ARID2: variants seen among roughly 807,000 people sequenced by gnomAD.
The protein encoded by ARID2 is AT-rich interactive domain-containing protein 2.
Under a neutral mutation model 184.6 loss-of-function variants are expected in ARID2, and 32 were observed. The observed-to-expected ratio is 0.17, with a 90% CI of 0.13 to 0.23. The LOEUF is 0.23. Among genes scored for constraint, ARID2 ranks in the 10% least tolerant of loss-of-function variants. ARID2 has a pLI of 1.00. For missense variants in ARID2, 1,696 were observed against 2,197.6 expected, an observed-to-expected ratio of 0.77 and a Z score of 4.56; for synonymous variants, 836 against 772.6, an observed-to-expected ratio of 1.08 and a Z score of -1.36.
Position 45,852,309 on chromosome 12 carries a change from C to G in ARID2, c.4186C>G (p.Gln1396Glu), listed in dbSNP as rs2138177726. 6.2e-7 allele frequency: 1 copy of G among 1,614,118 alleles called. No individual in the cohort carries two copies. The highest frequency in any genetic ancestry group is 8.5e-7 in the Non-Finnish European group (1 of 1,180,014). ...TGGTGAGATATCTCCAATGGAACCA[C>G]AAGGGACTTTAGATATCACTCAGCA... The part of the protein sequence containing the change: ...GNGEISPMEP[Q>E]GTLDITQQDT... Residue 1396 changes from glutamine to glutamate, a missense_variant, in exon 15 of 21, where the codon CAA (glutamine) becomes GAA (glutamate). Physicochemically the swap from Gln to Glu is conservative, Grantham distance 29. Transcript: ENST00000334344.
Position 45,872,310 on chromosome 12 carries a change from T to G in ARID2, c.4922+11361T>G, listed in dbSNP as rs1339322131. 1.3e-5 allele frequency among the ~76,000 whole-genome samples: 2 copies of G among 152,218 alleles called. 1 individual carries two copies. Among genetic ancestry groups the G allele is most frequent in the Non-Finnish European group, 2.9e-5 (2 of 68,038 alleles). ...TTTTACTATATCCAGAAATTATGAT[T>G]ATGTTGTATTTTCATTTTCCTCTAG... On this transcript the variant is annotated intron_variant, in intron 16 of 20. Transcript: ENST00000334344.
At chr12:45,862,220 A>G (rs934482196) in intron 16 of ARID2, among the ~76,000 whole-genome samples, 4 of 152,158 alleles carry the variant, frequency 2.6e-5, no homozygotes, top group Admixed American at 2.6e-4. Context: ...ATAGTTCACC[A>G]TGTTAGCAAG....
At chr12:45,900,633 A>T (rs1944445249) in intron 20 of ARID2, among the ~76,000 whole-genome samples, 1 of 152,070 alleles carries the variant, frequency 6.6e-6, no homozygotes, top group Admixed American at 6.6e-5. Context: ...TCCATGTTGA[A>T]TCCCTTTTCG....
chr12:45,899,007 C>T (rs1944406445), intron 20 of ARID2, among the ~76,000 whole-genome samples: 1 of 152,056 alleles, frequency 6.6e-6, no homozygotes, highest in Non-Finnish European at 1.5e-5. Flanking sequence ...GGCGTGGTGG[C>T]TCATGCCTGT....
chr12:45,850,726 A>C lies in ARID2; in HGVS notation c.2603A>C (p.Gln868Pro), dbSNP rs1439756141. The change falls in exon 15 of 21, where the codon CAG becomes CCG. Residue 868 changes from glutamine to proline, a missense_variant. Gln to Pro is a moderately conservative substitution (Grantham distance 76). This residue lies in a region of ARID2 where 713 missense variants were observed against 824.4 expected (regional missense o/e 0.86). Transcript: ENST00000334344. ...ASNIVSATSV[Q>P]NFQVATGQMV... is the part of the protein sequence containing the mutation. ...AATATTGTCTCAGCAACTTCAGTAC[A>C]GAATTTTCAGGTAGCTACAGGACAA... 1 of 1,614,150 alleles carries C rather than the reference A, an allele frequency of 6.2e-7. No individual in the cohort carries two copies. The highest frequency in any genetic ancestry group is 1.7e-5 in the Admixed American group (1 of 60,018).
chr12:45,860,788 T>C lies in ARID2; in HGVS notation c.4774-13T>C. The C allele has an allele frequency of 6.6e-7, 1 of 1,512,690 alleles. No individual in the cohort carries two copies. Among genetic ancestry groups the C allele is most frequent in the Non-Finnish European group, 8.9e-7 (1 of 1,129,666 alleles). The allele number at this position is 1,512,690 out of a possible 1,614,324, so 93.7% of individuals were successfully genotyped here. ...TGTCATGTCACAAACTCTGCATTTG[T>C]TCTTTTTCACAGAACACTCCTATGC... On this transcript the variant is annotated splice_polypyrimidine_tract_variant and intron_variant, in intron 15 of 20. Transcript: ENST00000334344.
chr12:45,826,124 T>G (rs1013706426), intron 6 of ARID2, among the ~76,000 whole-genome samples: 3 of 152,082 alleles, frequency 2.0e-5, no homozygotes, highest in Non-Finnish European at 2.9e-5. Flanking sequence ...TTAGTTGTCA[T>G]GTAGATTTGT....
intron 3 of ARID2, among the ~76,000 whole-genome samples, chr12:45,791,448 G>A (rs1309186527): frequency 2.0e-5 from 3 of 151,960 alleles, no homozygotes; most frequent in African/African-American, 7.3e-5. Flanking sequence ...ATATCTTCTT[G>A]TATTTGATTT....
intron 3 of ARID2, among the ~76,000 whole-genome samples, chr12:45,803,971 GA>G (rs1228969758): frequency 3.3e-5 from 5 of 152,188 alleles, no homozygotes; most frequent in Admixed American, 6.5e-5. Flanking sequence ...CACTTTGTCT[GA>G]AGTAGGATGA....
chr12:45,823,437 G>A (rs900726396), intron 6 of ARID2, among the ~76,000 whole-genome samples: 9 of 151,954 alleles, frequency 5.9e-5, no homozygotes, highest in Non-Finnish European at 1.3e-4. Context: ...GTAGAGGAAA[G>A]AAATTCTAAA....
rs767303859 is a variant in ARID2, at chr12:45,849,746, C to G, written c.1882C>G (p.Pro628Ala). ...TTCTGTTGTTCGTGTTGATTCTGTTCCTGATGTATCTCCTGCTCCTTCACC... is the reference window on the plus strand; with the variant it reads ...TTCTGTTGTTCGTGTTGATTCTGTTGCTGATGTATCTCCTGCTCCTTCACC... ...STSVVRVDSV[P>A]DVSPAPSPAG... Residue 628 changes from proline to alanine, a missense_variant, in exon 14 of 21, where the codon CCT (proline) becomes GCT (alanine). By Grantham distance (27) the Pro-to-Ala change is conservative. Around this residue, in one of 11 missense-constraint regions of ARID2, gnomAD observed 713 missense variants for 824.4 expected, o/e 0.86. Transcript: ENST00000334344. The G allele has an allele frequency of 5.6e-6, 9 of 1,613,214 alleles. No individual in the cohort carries two copies. Among genetic ancestry groups the G allele is most frequent in the Non-Finnish European group, 7.6e-6 (9 of 1,179,524 alleles).
intron 20 of ARID2, among the ~76,000 whole-genome samples, chr12:45,894,968 G>A (rs1944351288): frequency 6.6e-6 from 1 of 152,022 alleles, no homozygotes; most frequent in African/African-American, 2.4e-5. Context: ...TCCCTGCCTA[G>A]AATGCCCTCC....
At position 45,905,855 on chromosome 12, in the gene ARID2, T is replaced by C. The variant is rs1333954995; in HGVS notation, c.*777T>C. On this transcript the variant is annotated 3_prime_UTR_variant, in exon 21 of 21. Transcript: ENST00000334344. ...TTCTATGCAGTGGATGAATGTTCTT[T>C]AAATTTGTGTAAATACTTCTGCAAA... The C allele has an allele frequency of 4.3e-6, 1 of 232,868 alleles. No individual in the cohort carries two copies. Among genetic ancestry groups the C allele is most frequent in the Non-Finnish European group, 8.5e-6 (1 of 117,686 alleles). 14.4% of individuals were successfully genotyped at this position (232,868 alleles called of 1,614,324 possible).
chr12:45,905,033 A>C lies in ARID2; in HGVS notation c.5463A>C (p.Thr1821=). The C allele has an allele frequency of 2.5e-6, 4 of 1,614,046 alleles. No individual in the cohort carries two copies. Among genetic ancestry groups the C allele is most frequent in the Non-Finnish European group, 3.4e-6 (4 of 1,179,976 alleles). Residue 1821 remains threonine (T), a synonymous_variant, in exon 21 of 21, where the codon ACA becomes ACC. Transcript: ENST00000334344. ...LAKCLYELNF[T]VQSKEQEKDS... is the part of the protein sequence containing the mutation. ...AATGCCTTTATGAACTTAATTTTAC[A>C]GTTCAGAGTAAGGAACAAGAAAAAG...
At chr12:45,864,827 G>A (rs1943808730) in intron 16 of ARID2, among the ~76,000 whole-genome samples, 1 of 152,022 alleles carries the variant, frequency 6.6e-6, no homozygotes, top group African/African-American at 2.4e-5. Flanking sequence ...TCAGTCATTT[G>A]CCTTCTTTGA....
chr12:45,796,357 T>A (rs1388218645), intron 3 of ARID2, among the ~76,000 whole-genome samples: 1 of 152,162 alleles, frequency 6.6e-6, no homozygotes, highest in Non-Finnish European at 1.5e-5. Context: ...AAAAACTTAG[T>A]ATAGTAGTTC....
chr12:45,734,000 C>T (rs567475282), intron 3 of ARID2, among the ~76,000 whole-genome samples: 17 of 152,088 alleles, frequency 1.1e-4, no homozygotes, highest in Non-Finnish European at 1.8e-4. Flanking sequence ...AATATATACA[C>T]GTACTGTGTA....
In ARID2 at chr12:45,782,809, C is replaced by T. The variant is rs138457909; in HGVS notation, c.285-28609C>T. 3.4e-3 allele frequency among the ~76,000 whole-genome samples: 513 copies of T among 151,702 alleles called. 2 individuals carry two copies. Among genetic ancestry groups the T allele is most frequent in the African/African-American group, 0.012 (483 of 41,324 alleles). On this transcript the variant is annotated intron_variant, in intron 3 of 20. Coordinates refer to ENST00000334344, the MANE Select transcript of ARID2 (RefSeq NM_152641.4). The stretch of plus-strand genomic sequence containing the variant: ...AGATAGGAAACCTCAGGGAAAAAAA[C>T]TTAAGAAGTGAAAAATGGGCCGGGT...
intron 3 of ARID2, among the ~76,000 whole-genome samples, chr12:45,768,288 C>T (rs1941808481): frequency 6.6e-6 from 1 of 151,986 alleles, no homozygotes; most frequent in Admixed American, 6.6e-5. Context: ...ATTTCTTACT[C>T]ATGGTACAGA....
Sources: gnomAD v4.1 joint callset for allele counts (sites outside exome capture counted in the v4.1 genomes callset) on GRCh38, gnomAD v4.1.1 for gene constraint, gnomAD v4.1.1 regional missense constraint, MANE v1.5 for transcripts, NCBI Gene and HGNC (gene_info 2026-07-23, HGNC 2026-07-21) for gene names.